The following EEIG1 variants were observed in gnomAD, a reference collection of about 807,000 sequenced individuals.
EEIG1 encodes estrogen-induced osteoclastogenesis regulator 1, also known as early estrogen-induced gene 1 protein.
At chr9:127,969,160 C>T in the EEIG1 span, among the ~76,000 whole-genome samples, 1 of 152,216 alleles carries the variant, frequency 6.6e-6, no homozygotes, top group Non-Finnish European at 1.5e-5. Flanking sequence ...TCGGCAAAGA[C>T]AGGGTTCAGG....
At chr9:127,975,137 T>C in the EEIG1 span, among the ~76,000 whole-genome samples, 1 of 152,086 alleles carries the variant, frequency 6.6e-6, no homozygotes, top group Non-Finnish European at 1.5e-5. Flanking sequence ...CACAAGTGTG[T>C]GGAGTGTGAG....
the EEIG1 span, among the ~76,000 whole-genome samples, chr9:127,955,521 G>A: frequency 1.1e-4 from 16 of 152,260 alleles, no homozygotes; most frequent in East Asian, 1.9e-4. Flanking sequence ...CCAAGGCACC[G>A]CCCAGGTCTC....
chr9:127,942,916 A>G, the EEIG1 span: 1 of 498,866 alleles, frequency 2.0e-6, no homozygotes, highest in Non-Finnish European at 3.7e-6. Flanking sequence ...CTTGCCCACA[A>G]GCTGCACGGG....
At chr9:127,953,532 C>G in the EEIG1 span, 1 of 1,591,568 alleles carries the variant, frequency 6.3e-7, no homozygotes, top group Admixed American at 1.7e-5. Context: ...TCCCATGCCA[C>G]CCCCCATTCC....
the EEIG1 span, chr9:127,943,653 C>T: frequency 1.8e-5 from 4 of 222,882 alleles, no homozygotes; most frequent in Admixed American, 1.0e-4. Context: ...ACTCTCGGGG[C>T]TCAGCATGTA....
chr9:127,980,031 C>T, the EEIG1 span: 3 of 1,613,626 alleles, frequency 1.9e-6, no homozygotes, highest in South Asian at 1.1e-5. Flanking sequence ...ATCCAGCAGC[C>T]GGACCTTGCA....
chr9:127,951,000 G>A, the EEIG1 span, among the ~76,000 whole-genome samples: 212 of 152,326 alleles, frequency 1.4e-3, 1 homozygote, highest in African/African-American at 5.0e-3. Flanking sequence ...GGATGAGCAG[G>A]AGCCCCAGGG....
At chr9:127,971,924 C>T in the EEIG1 span, among the ~76,000 whole-genome samples, 1 of 152,156 alleles carries the variant, frequency 6.6e-6, no homozygotes, top group African/African-American at 2.4e-5. Flanking sequence ...GCACAGAAAC[C>T]AGAAGGGCGA....
the EEIG1 span, chr9:127,944,780 C>T: frequency 4.3e-6 from 7 of 1,611,762 alleles, no homozygotes; most frequent in Non-Finnish European, 5.9e-6. Flanking sequence ...GGCTCACCCT[C>T]GGTGTTGCTG....
the EEIG1 span, among the ~76,000 whole-genome samples, chr9:127,966,420 C>T: frequency 6.9e-6 from 1 of 144,388 alleles, no homozygotes; most frequent in East Asian, 2.1e-4. Context: ...CCAGCCTGGG[C>T]AACATAGCAA....
chr9:127,979,969 G>A, the EEIG1 span: 3 of 1,601,862 alleles, frequency 1.9e-6, no homozygotes, highest in African/African-American at 2.7e-5. Flanking sequence ...CGCTGCTGCA[G>A]GCGCGACCGC....
At chr9:127,953,973 A>AG in the EEIG1 span, 1 of 1,608,042 alleles carries the variant, frequency 6.2e-7, no homozygotes, top group Non-Finnish European at 8.5e-7. Flanking sequence ...CATCCGCGCC[A>AG]GGGGACTCCA....
the EEIG1 span, among the ~76,000 whole-genome samples, chr9:127,955,037 T>C: frequency 6.6e-6 from 1 of 152,090 alleles, no homozygotes; most frequent in South Asian, 2.1e-4. Context: ...CCCATCTCCA[T>C]ACAGCCTGCC....
At chr9:127,943,322 C>T in the EEIG1 span, 1 of 1,352,788 alleles carries the variant, frequency 7.4e-7, no homozygotes, top group Non-Finnish European at 1.1e-6. Flanking sequence ...GGAGGTGTTT[C>T]ACAAGCAGGT....
At chr9:127,971,461 C>T in the EEIG1 span, among the ~76,000 whole-genome samples, 32 of 144,876 alleles carry the variant, frequency 2.2e-4, 1 homozygote, top group African/African-American at 7.7e-4. Context: ...CCTCTGAGCC[C>T]GTGGAGGCAC....
the EEIG1 span, chr9:127,950,610 G>A: frequency 5.7e-6 from 9 of 1,576,406 alleles, no homozygotes; most frequent in South Asian, 1.1e-5. Flanking sequence ...GCCCAGAAGG[G>A]TAACTTGGCA....
At chr9:127,965,867 T>C in the EEIG1 span, among the ~76,000 whole-genome samples, 1 of 152,232 alleles carries the variant, frequency 6.6e-6, no homozygotes, top group African/African-American at 2.4e-5. Context: ...GTCTGGCTCC[T>C]GCCAGGGGTT....
chr9:127,974,287 G>A, the EEIG1 span, among the ~76,000 whole-genome samples: 1 of 152,120 alleles, frequency 6.6e-6, no homozygotes, highest in African/African-American at 2.4e-5. Context: ...TGGCAACCAG[G>A]CCACGTGGCT....
At chr9:127,974,386 C>G in the EEIG1 span, among the ~76,000 whole-genome samples, 1 of 152,232 alleles carries the variant, frequency 6.6e-6, no homozygotes, top group Non-Finnish European at 1.5e-5. Context: ...CTCCTCCACC[C>G]TCCCCATACC....
Sources: allele counts gnomAD v4.1 joint callset (sites outside exome capture counted in the v4.1 genomes callset), GRCh38; gene constraint gnomAD v4.1.1; transcripts MANE v1.5; gene names NCBI Gene and HGNC (gene_info 2026-07-23, HGNC 2026-07-21).